HDAC9: variants seen among roughly 807,000 people sequenced by gnomAD.
HDAC9 encodes histone deacetylase 9, also known as MEF-2 interacting transcription repressor (MITR) protein.
A neutral mutation model predicts 139.4 loss-of-function variants in HDAC9; 41 were observed. The observed-to-expected ratio is 0.29, with a 90% CI of 0.23 to 0.38. The LOEUF (loss-of-function observed/expected upper bound fraction) is 0.38, where lower values mean the gene tolerates loss of function less well. Ranked by LOEUF, HDAC9 falls within the 10% of genes least tolerant of loss-of-function variation. The probability of loss-of-function intolerance (pLI) is 1.00; values close to 1 mark genes in which losing one functional copy is unlikely to be tolerated. For missense variants in HDAC9, 1,147 were observed against 1,297.0 expected, an observed-to-expected ratio of 0.88 and a Z score of 1.78; for synonymous variants, 517 against 476.2, an observed-to-expected ratio of 1.09 and a Z score of -1.12.
At chr7:18,609,616 T>C (rs954390567) in intron 6 of HDAC9, among the ~76,000 whole-genome samples, 2 of 152,110 alleles carry the variant, frequency 1.3e-5, no homozygotes. Context: ...TCAGAACTCG[T>C]TAATTTTTTA....
chr7:18,444,380 A>G (rs1246583646), intron 1 of HDAC9, among the ~76,000 whole-genome samples: 1 of 148,832 alleles, frequency 6.7e-6, no homozygotes, highest in East Asian at 2.0e-4. Context: ...GTGATGTGCT[A>G]TCAACATCAA....
At chr7:18,544,604 T>C (rs1175879049) in intron 2 of HDAC9, among the ~76,000 whole-genome samples, 1 of 152,170 alleles carries the variant, frequency 6.6e-6, no homozygotes, top group Non-Finnish European at 1.5e-5. Flanking sequence ...GTCTGAACTC[T>C]GGGACACTCC....
At chr7:18,515,827 T>C (rs532823464) in intron 2 of HDAC9, among the ~76,000 whole-genome samples, 131 of 152,318 alleles carry the variant, frequency 8.6e-4, no homozygotes, top group African/African-American at 3.0e-3. Context: ...TTGAATATCA[T>C]CCATTTACAG....
chr7:18,204,384 G>C (rs1194642696), intron 2 of HDAC9, among the ~76,000 whole-genome samples: 3 of 140,622 alleles, frequency 2.1e-5, no homozygotes, highest in African/African-American at 8.0e-5. Flanking sequence ...TTTCTGGCCT[G>C]ATGTTATTAG....
intron 2 of HDAC9, among the ~76,000 whole-genome samples, chr7:18,164,768 T>C (rs1161499262): frequency 6.6e-6 from 1 of 152,200 alleles, no homozygotes; most frequent in African/African-American, 2.4e-5. Context: ...AATTTACTAG[T>C]TTTTATTTTA....
intron 23 of HDAC9, among the ~76,000 whole-genome samples, chr7:18,941,761 G>A (rs1782045188): frequency 6.6e-6 from 1 of 152,256 alleles, no homozygotes; most frequent in Non-Finnish European, 1.5e-5. Flanking sequence ...AATCTAAAGA[G>A]AATAAAACTG....
chr7:18,600,489 G>A (rs908668967), intron 6 of HDAC9, among the ~76,000 whole-genome samples: 5 of 152,126 alleles, frequency 3.3e-5, no homozygotes, highest in Non-Finnish European at 2.9e-5. Context: ...TAGATTCATT[G>A]TTTTCCATAT....
At position 18,732,700 on chromosome 7, in the gene HDAC9, T is replaced by TATGTGTACACACAC; in HGVS notation, c.1909+4943_1909+4944insATGTGTACACACAC. On this transcript the variant is annotated intron_variant, in intron 13 of 25. Coordinates refer to ENST00000686413, the MANE Select transcript of HDAC9 (RefSeq NM_178425.4). ...GTGCGTATGTGTACACACACACACG[T>TATGTGTACACACAC]GTATGTGTGCGTATGTGTACACACA... Among the ~76,000 whole-genome samples, 69 of 131,550 alleles carry TATGTGTACACACAC rather than the reference T, an allele frequency of 5.2e-4. 15 individuals are homozygous for TATGTGTACACACAC. Among genetic ancestry groups the TATGTGTACACACAC allele is most frequent in the African/African-American group, 1.3e-3 (40 of 31,158 alleles). The allele number at this position is 131,550 out of a possible 152,430, so 86.3% of individuals were successfully genotyped here.
chr7:18,160,081 TG>T (rs765708140), intron 1 of HDAC9, among the ~76,000 whole-genome samples: 3 of 152,198 alleles, frequency 2.0e-5, no homozygotes, highest in Non-Finnish European at 4.4e-5. Context: ...GTTGAATTGT[TG>T]GAAATTATTG....
Position 18,561,651 on chromosome 7 carries a change from A to G in HDAC9, c.23-23630A>G, listed in dbSNP as rs568322472. 4.4e-5 allele frequency among the ~76,000 whole-genome samples: 3 copies of G among 68,074 alleles called. No homozygotes were observed. In the South Asian group the frequency reaches 1.3e-3, roughly 31 times the overall value. 44.7% of individuals were successfully genotyped at this position (68,074 alleles called of 152,430 possible). On this transcript the variant is annotated intron_variant, in intron 2 of 25. Transcript: ENST00000686413. ...CACTAATCTATTTTTTTATCTCTAT[A>G]AATGTGCCCATTTTTTGGACATTTG... is the stretch of plus-strand genomic sequence containing the variant.
intron 24 of HDAC9, among the ~76,000 whole-genome samples, chr7:18,975,337 C>A (rs1460644795): frequency 2.0e-5 from 3 of 152,244 alleles, no homozygotes; most frequent in African/African-American, 7.2e-5. Flanking sequence ...TCAATTCATG[C>A]TGGCATTTCT....
At chr7:18,798,403 A>G (rs926773204) in intron 17 of HDAC9, among the ~76,000 whole-genome samples, 3 of 152,196 alleles carry the variant, frequency 2.0e-5, no homozygotes, top group African/African-American at 7.2e-5. Flanking sequence ...AACCAGCTGA[A>G]TTTTGGTGAG....
chr7:18,898,637 G>C (rs1235100908), intron 22 of HDAC9, among the ~76,000 whole-genome samples: 6 of 151,798 alleles, frequency 4.0e-5, no homozygotes, highest in Non-Finnish European at 7.4e-5. Flanking sequence ...GGTGTTTACT[G>C]TATATATATC....
At chr7:18,995,773 C>G (rs915723654) in intron 25 of HDAC9, among the ~76,000 whole-genome samples, 3 of 152,088 alleles carry the variant, frequency 2.0e-5, no homozygotes, top group Non-Finnish European at 4.4e-5. Context: ...ATTTTGGAAT[C>G]TAGAGTTATA....
At chr7:18,146,340 G>A (rs550305029) in intron 1 of HDAC9, among the ~76,000 whole-genome samples, 164 of 152,256 alleles carry the variant, frequency 1.1e-3, no homozygotes, top group Admixed American at 2.3e-3. Context: ...TTTTAGGTAT[G>A]ATATGGCAAC....
At chr7:18,412,643 TG>T (rs1382055483) in intron 1 of HDAC9, among the ~76,000 whole-genome samples, 3 of 152,210 alleles carry the variant, frequency 2.0e-5, no homozygotes. Context: ...CGCTCAGTTG[TG>T]ATTTGCTTCA....
At chr7:18,860,686 CGGAAGAAA>C (rs1562998011) in intron 21 of HDAC9, among the ~76,000 whole-genome samples, 1 of 151,416 alleles carries the variant, frequency 6.6e-6, no homozygotes, top group African/African-American at 2.4e-5. Context: ...AAAAGGAAGA[CGGAAGAAA>C]GGAAGGAAGG....
chr7:18,452,805 A>G (rs1792997591), intron 1 of HDAC9, among the ~76,000 whole-genome samples: 1 of 152,100 alleles, frequency 6.6e-6, no homozygotes, highest in African/African-American at 2.4e-5. Context: ...TTCACGTGTC[A>G]CTGTGATTGT....
chr7:18,359,496 G>C (rs1040106335), intron 1 of HDAC9, among the ~76,000 whole-genome samples: 4 of 152,128 alleles, frequency 2.6e-5, no homozygotes, highest in African/African-American at 9.7e-5. Flanking sequence ...TCTAAAACTT[G>C]AGAATGAAAA....
Sources: allele counts gnomAD v4.1 joint callset (sites outside exome capture counted in the v4.1 genomes callset), GRCh38; gene constraint gnomAD v4.1.1; transcripts MANE v1.5; gene names NCBI Gene and HGNC (gene_info 2026-07-23, HGNC 2026-07-21).